The following NEGR1 variants were observed in gnomAD, a reference collection of about 807,000 sequenced individuals.
NEGR1 encodes neuronal growth regulator 1, also known as IgLON family member 4.
NEGR1 carries 10 observed loss-of-function variants against 40.9 expected under a neutral mutation model. That is an observed-to-expected ratio of 0.24 (90% CI 0.15 to 0.42). The LOEUF (loss-of-function observed/expected upper bound fraction) is 0.42, where lower values mean the gene tolerates loss of function less well. NEGR1 is among the 10% of genes least tolerant of loss of function. The pLI is 1.00. For synonymous variants in NEGR1, 185 were observed against 166.8 expected (o/e 1.11, Z -0.84); for missense variants, 352 against 438.9 (o/e 0.80, Z 1.77).
At chr1:71,456,622 A>G (rs1275916110) in intron 6 of NEGR1, among the ~76,000 whole-genome samples, 2 of 152,172 alleles carry the variant, frequency 1.3e-5, no homozygotes, top group East Asian at 3.9e-4. Context: ...TCATCATGAC[A>G]TACTTGTAGG....
Position 71,399,541 on chromosome 1 carries a change from C to T in NEGR1, c.*7905G>A, listed in dbSNP as rs1646233116. ...CAGAAACTGTTGGTTGCACTGTTGT[C>T]ATTTCTTCTTCTACTTTAAAAAAAT... On this transcript the variant is annotated 3_prime_UTR_variant, in exon 7 of 7. Coordinates refer to ENST00000357731, the MANE Select transcript of NEGR1 (RefSeq NM_173808.3). 1.3e-5 allele frequency: 2 copies of T among 152,136 alleles called. No individual in the cohort carries two copies. The highest frequency in any genetic ancestry group is 4.8e-5 in the African/African-American group (2 of 41,438). 9.4% of individuals were successfully genotyped at this position (152,136 alleles called of 1,614,324 possible).
intron 1 of NEGR1, among the ~76,000 whole-genome samples, chr1:71,995,699 C>T (rs12139692): frequency 0.074 from 11,207 of 152,182 alleles, 521 homozygotes; most frequent in Non-Finnish European, 0.11. Context: ...ATAAAACTTA[C>T]GATTTCCATG....
chr1:71,509,863 G>A (rs1377039135), intron 6 of NEGR1, among the ~76,000 whole-genome samples: 1 of 152,180 alleles, frequency 6.6e-6, no homozygotes, highest in Non-Finnish European at 1.5e-5. Context: ...CAAAGGGGTG[G>A]CTAGCCAGTT....
intron 2 of NEGR1, among the ~76,000 whole-genome samples, chr1:71,840,842 A>T (rs551602726): frequency 9.9e-5 from 15 of 152,176 alleles, no homozygotes; most frequent in Non-Finnish European, 2.1e-4. Context: ...TAAATAAAGT[A>T]GATTGCCTTT....
At chr1:71,498,951 C>T (rs549030816) in intron 6 of NEGR1, among the ~76,000 whole-genome samples, 1 of 152,148 alleles carries the variant, frequency 6.6e-6, no homozygotes, top group Non-Finnish European at 1.5e-5. Flanking sequence ...TATCCAAAGT[C>T]GCTTCAAAGG....
chr1:71,836,737 T>A (rs2101797641), intron 2 of NEGR1, among the ~76,000 whole-genome samples: 1 of 152,150 alleles, frequency 6.6e-6, no homozygotes, highest in East Asian at 1.9e-4. Context: ...TATTGTTAAA[T>A]AAAGAACAAT....
intron 2 of NEGR1, among the ~76,000 whole-genome samples, chr1:71,927,530 C>T (rs1226194092): frequency 2.0e-5 from 3 of 151,996 alleles, no homozygotes; most frequent in Admixed American, 2.0e-4. Flanking sequence ...ACGAATGACA[C>T]CTGAAAAACT....
At chr1:71,783,739 C>T (rs1408423922) in intron 2 of NEGR1, among the ~76,000 whole-genome samples, 1 of 152,116 alleles carries the variant, frequency 6.6e-6, no homozygotes, top group Non-Finnish European at 1.5e-5. Context: ...ATTTAGGATA[C>T]CTATGCACGA....
intron 4 of NEGR1, among the ~76,000 whole-genome samples, chr1:71,665,667 T>G (rs1309494563): frequency 6.6e-6 from 1 of 150,976 alleles, no homozygotes; most frequent in African/African-American, 2.4e-5. Flanking sequence ...TCTTAACCAT[T>G]CATTCTAATT....
intron 1 of NEGR1, among the ~76,000 whole-genome samples, chr1:72,218,830 G>A (rs1326913191): frequency 2.6e-5 from 4 of 152,020 alleles, no homozygotes; most frequent in Admixed American, 2.0e-4. Context: ...CCTATTTGTT[G>A]CAGTCTTGAA....
At chr1:71,553,017 C>A (rs981355509) in intron 6 of NEGR1, among the ~76,000 whole-genome samples, 1 of 151,260 alleles carries the variant, frequency 6.6e-6, no homozygotes, top group East Asian at 2.0e-4. Flanking sequence ...CAGTCTATTT[C>A]GTTCCACAGA....
chr1:71,609,793 A>G (rs932821722), intron 5 of NEGR1, among the ~76,000 whole-genome samples: 5 of 152,242 alleles, frequency 3.3e-5, no homozygotes, highest in African/African-American at 9.6e-5. Context: ...TATTATTTGG[A>G]GGTGTCCCCA....
intron 6 of NEGR1, among the ~76,000 whole-genome samples, chr1:71,447,279 G>A (rs1048739600): frequency 8.5e-5 from 13 of 152,116 alleles, no homozygotes; most frequent in African/African-American, 2.9e-4. Flanking sequence ...CCAAGAAACC[G>A]GTTCCTGGTG....
chr1:71,928,005 AAT>A (rs1645793614), intron 2 of NEGR1, among the ~76,000 whole-genome samples: 1 of 109,146 alleles, frequency 9.2e-6, no homozygotes, highest in Admixed American at 1.2e-4. Context: ...CTCAGGAAAA[AAT>A]AAATAAATAA....
At chr1:72,091,668 C>G (rs990380348) in intron 1 of NEGR1, among the ~76,000 whole-genome samples, 4 of 152,040 alleles carry the variant, frequency 2.6e-5, no homozygotes, top group Admixed American at 2.0e-4. Context: ...ACTCCAGAAA[C>G]TTTACAGAGG....
intron 1 of NEGR1, among the ~76,000 whole-genome samples, chr1:72,013,990 G>GAAAAAAAAAA (rs1557483824): frequency 2.5e-5 from 3 of 119,216 alleles, no homozygotes; most frequent in African/African-American, 6.9e-5. Context: ...AAAAAAAAAG[G>GAAAAAAAAAA]AGGTTGGGGG....
At chr1:71,925,587 G>A (rs967591667) in intron 2 of NEGR1, among the ~76,000 whole-genome samples, 5 of 152,116 alleles carry the variant, frequency 3.3e-5, no homozygotes, top group Non-Finnish European at 7.4e-5. Context: ...AATATTAGCA[G>A]ATTCCAATTT....
At chr1:72,171,953 T>A (rs1651979112) in intron 1 of NEGR1, among the ~76,000 whole-genome samples, 2 of 152,196 alleles carry the variant, frequency 1.3e-5, no homozygotes, top group South Asian at 4.1e-4. Context: ...AGTTTTGTAA[T>A]GTCAAATGAC....
Position 71,611,013 on chromosome 1 carries a change from AC to A in NEGR1, c.788+12del. The A allele has an allele frequency of 5.6e-6, 9 of 1,613,274 alleles. No individual in the cohort carries two copies. The highest frequency in any genetic ancestry group is 6.8e-6 in the Non-Finnish European group (8 of 1,179,576). The stretch of plus-strand genomic sequence containing the variant: ...AAGTGCTTAGAACACAGTAATAATC[AC>A]AAAGTCCTCACTTCTTCTCTCCTTT... On this transcript the variant is annotated intron_variant, in intron 5 of 6. Coordinates refer to ENST00000357731, the MANE Select transcript of NEGR1 (RefSeq NM_173808.3).
Sources: allele counts gnomAD v4.1 joint callset (sites outside exome capture counted in the v4.1 genomes callset), GRCh38; gene constraint gnomAD v4.1.1; transcripts MANE v1.5; gene names NCBI Gene and HGNC (gene_info 2026-07-23, HGNC 2026-07-21).